MEF2A: variants seen among roughly 807,000 people sequenced by gnomAD.
The protein encoded by MEF2A is myocyte-specific enhancer factor 2A.
Under a neutral mutation model 55.8 loss-of-function variants are expected in MEF2A, and 28 were observed. That is an observed-to-expected ratio of 0.50 (90% confidence interval 0.37 to 0.69). The LOEUF is 0.69. Among genes scored for constraint, MEF2A ranks in the 30% least tolerant of loss-of-function variants. MEF2A has a pLI of 0.00. For synonymous variants in MEF2A, 239 were observed against 227.1 expected, an observed-to-expected ratio of 1.05 and a Z score of -0.47; for missense variants, 528 against 626.2, an observed-to-expected ratio of 0.84 and a Z score of 1.67.
intron 1 of MEF2A, among the ~76,000 whole-genome samples, chr15:99,593,514 A>C (rs956024957): frequency 2.6e-5 from 4 of 152,162 alleles, no homozygotes; most frequent in African/African-American, 7.2e-5. Flanking sequence ...GTTCACCCTT[A>C]TTTGGAATTA....
rs780764294 is a variant in MEF2A, at chr15:99,712,702, A to G, written c.1449A>G (p.Arg483=). The change falls in exon 12 of 12, where the codon CGA becomes CGG. Residue 483 remains arginine (R), a synonymous_variant. Coordinates refer to ENST00000557942, the MANE Select transcript of MEF2A (RefSeq NM_001319206.4). This position sits in a 1 kb window ranked among gnomAD's most constrained non-coding sequence, Gnocchi z 4.1. ...TCCATTCTCCAATTGTGCTTGGCCGACCCCCAAACACTGAGGACAGAGAAA... is the reference window on the plus strand; with the variant it reads ...TCCATTCTCCAATTGTGCTTGGCCGGCCCCCAAACACTGAGGACAGAGAAA... The part of the protein sequence containing the change: ...GDFHSPIVLG[R]PPNTEDRESP... The G allele has an allele frequency of 3.2e-6, 5 of 1,564,182 alleles. No individual in the cohort carries two copies. Among genetic ancestry groups the G allele is most frequent in the Non-Finnish European group, 4.3e-6 (5 of 1,154,252 alleles).
chr15:99,663,244 A>G (rs1018359652), intron 4 of MEF2A, among the ~76,000 whole-genome samples: 4 of 152,194 alleles, frequency 2.6e-5, no homozygotes, highest in East Asian at 3.8e-4. Flanking sequence ...TTAAGAGCCC[A>G]TATGCTTTAA....
At chr15:99,638,230 G>A (rs1426144947) in intron 3 of MEF2A, among the ~76,000 whole-genome samples, 1 of 151,996 alleles carries the variant, frequency 6.6e-6, no homozygotes, top group Non-Finnish European at 1.5e-5. Flanking sequence ...ATTCATTTCT[G>A]TTAAGAGGCC....
chr15:99,712,570 C>T lies in MEF2A; in HGVS notation c.1317C>T (p.Pro439=). 1.3e-6 allele frequency: 2 copies of T among 1,550,710 alleles called. No homozygotes were observed. The highest frequency in any genetic ancestry group is 1.2e-5 in the South Asian group (1 of 83,960). The change falls in exon 12 of 12, where the codon CCC becomes CCT. Residue 439 remains proline (P), a synonymous_variant. Coordinates refer to ENST00000557942, the MANE Select transcript of MEF2A (RefSeq NM_001319206.4). This position sits in a 1 kb window ranked among gnomAD's most constrained non-coding sequence, Gnocchi z 4.1. The stretch of plus-strand genomic sequence containing the variant: ...CACCACCGCAGCCCCAGCCACAACC[C>T]CCGCAGCCCCAGCCCCGACAGGAAA... ...PPPPPQPQPQ[P]PQPQPRQEMG...
Position 99,645,544 on chromosome 15 carries a change from C to A in MEF2A, c.55-17C>A. 1 of 1,555,930 alleles carries A rather than the reference C, an allele frequency of 6.4e-7. No individual in the cohort carries two copies. The highest frequency in any genetic ancestry group is 8.8e-7 in the Non-Finnish European group (1 of 1,131,110). ...TACTAATGCTTTTAATAAAAATATA[C>A]CTTTTTTATTGTTTAGGTCACTTTT... On this transcript the variant is annotated splice_polypyrimidine_tract_variant and intron_variant, in intron 3 of 11. Coordinates refer to ENST00000557942, the MANE Select transcript of MEF2A (RefSeq NM_001319206.4).
intron 1 of MEF2A, among the ~76,000 whole-genome samples, chr15:99,572,354 A>T (rs1205892609): frequency 1.3e-5 from 2 of 152,092 alleles, no homozygotes; most frequent in East Asian, 3.8e-4. Flanking sequence ...CCCAAATCTC[A>T]CTTCTCACTC....
chr15:99,661,428 T>A (rs1490622148), intron 4 of MEF2A, among the ~76,000 whole-genome samples: 23 of 151,104 alleles, frequency 1.5e-4, no homozygotes, highest in Non-Finnish European at 1.0e-4. Flanking sequence ...TTTTTTTTTT[T>A]AATGCTACAT....
At chr15:99,697,054 T>A (rs564102390) in intron 8 of MEF2A, among the ~76,000 whole-genome samples, 3 of 150,790 alleles carry the variant, frequency 2.0e-5, no homozygotes, top group African/African-American at 7.3e-5. Flanking sequence ...ATTCATCATT[T>A]AAAAAAAAAA....
intron 7 of MEF2A, among the ~76,000 whole-genome samples, chr15:99,685,000 G>C (rs2053940756): frequency 6.6e-6 from 1 of 152,162 alleles, no homozygotes; most frequent in East Asian, 1.9e-4. Context: ...TCAGTTGGCT[G>C]TAAGTATTTG....
At chr15:99,567,401 A>G (rs547948080) in intron 1 of MEF2A, among the ~76,000 whole-genome samples, 1 of 152,248 alleles carries the variant, frequency 6.6e-6, no homozygotes, top group Non-Finnish European at 1.5e-5. Flanking sequence ...ACATTACCCA[A>G]GAGTACTTTC....
chr15:99,627,793 C>T (rs576834086), intron 2 of MEF2A, among the ~76,000 whole-genome samples: 1 of 151,996 alleles, frequency 6.6e-6, no homozygotes. Context: ...CATATTTAGC[C>T]CTTATTTTTG....
At chr15:99,669,651 CTAA>C (rs1170674472) in intron 4 of MEF2A, among the ~76,000 whole-genome samples, 6 of 152,134 alleles carry the variant, frequency 3.9e-5, no homozygotes, top group Non-Finnish European at 4.4e-5. Flanking sequence ...CGTATCTGTA[CTAA>C]TGATTGTTTA....
intron 1 of MEF2A, among the ~76,000 whole-genome samples, chr15:99,573,483 C>T (rs1309360758): frequency 1.3e-5 from 2 of 152,108 alleles, no homozygotes; most frequent in Non-Finnish European, 2.9e-5. Flanking sequence ...GGGGCATTTC[C>T]TCAGATTCTA....
chr15:99,688,232 C>G (rs2054682613), intron 7 of MEF2A, among the ~76,000 whole-genome samples: 1 of 152,192 alleles, frequency 6.6e-6, no homozygotes, highest in Non-Finnish European at 1.5e-5. Flanking sequence ...GGACTGCAAG[C>G]TGGTGAATAA....
chr15:99,683,282 C>A (rs2053578207), intron 7 of MEF2A, among the ~76,000 whole-genome samples: 1 of 152,164 alleles, frequency 6.6e-6, no homozygotes, highest in Non-Finnish European at 1.5e-5. Flanking sequence ...CCAGTCCCCA[C>A]AGCAAAATTA....
At chr15:99,637,619 G>T (rs887920687) in intron 3 of MEF2A, among the ~76,000 whole-genome samples, 8 of 151,766 alleles carry the variant, frequency 5.3e-5, no homozygotes, top group African/African-American at 1.5e-4. Flanking sequence ...CCACATCCCA[G>T]CCAACACTTG....
At chr15:99,656,567 A>G (rs989420394) in intron 4 of MEF2A, among the ~76,000 whole-genome samples, 3 of 152,112 alleles carry the variant, frequency 2.0e-5, no homozygotes, top group Non-Finnish European at 4.4e-5. Flanking sequence ...TCTTAGGACA[A>G]TATGATATGA....
intron 1 of MEF2A, among the ~76,000 whole-genome samples, chr15:99,593,454 A>G (rs1221014155): frequency 6.6e-6 from 1 of 152,200 alleles, no homozygotes; most frequent in African/African-American, 2.4e-5. Context: ...TTACTACATC[A>G]TGCCTGGTAG....
chr15:99,708,312 A>G (rs1358016758), intron 10 of MEF2A, among the ~76,000 whole-genome samples: 2 of 152,232 alleles, frequency 1.3e-5, no homozygotes, highest in Non-Finnish European at 2.9e-5. Flanking sequence ...TCAAAGGTGT[A>G]TTGGCTGAGA....
Sources: gnomAD v4.1 joint callset for allele counts (sites outside exome capture counted in the v4.1 genomes callset) on GRCh38, gnomAD v4.1.1 for gene constraint, Gnocchi (gnomAD v3.1) non-coding constraint, MANE v1.5 for transcripts, NCBI Gene and HGNC (gene_info 2026-07-23, HGNC 2026-07-21) for gene names.